Variants in AMOTL1 observed in about 807,000 individuals in gnomAD.
AMOTL1 encodes angiomotin-like protein 1.
AMOTL1 carries 45 observed loss-of-function variants against 102.9 expected under a neutral mutation model. The ratio of observed to expected loss-of-function variants is 0.44; its 90% confidence interval spans 0.34 to 0.56. AMOTL1 has a LOEUF of 0.56. Ranked by LOEUF, AMOTL1 falls within the 20% of genes least tolerant of loss-of-function variation. AMOTL1 has a pLI of 0.01. For missense variants in AMOTL1, 1,114 were observed against 1,225.6 expected (o/e 0.91, Z 1.36); for synonymous variants, 481 against 484.7 (o/e 0.99, Z 0.10).
intron 4 of AMOTL1, among the ~76,000 whole-genome samples, chr11:94,827,376 A>T (rs765896376): frequency 6.6e-6 from 1 of 152,172 alleles, no homozygotes; most frequent in African/African-American, 2.4e-5. Context: ...TGGTGACTTG[A>T]TGATGCCCTT....
intron 3 of AMOTL1, among the ~76,000 whole-genome samples, chr11:94,761,843 A>G (rs909830971): frequency 3.3e-5 from 5 of 152,218 alleles, no homozygotes; most frequent in African/African-American, 1.2e-4. Context: ...TCTGTAGTGC[A>G]TATTCTGGAG....
intron 3 of AMOTL1, among the ~76,000 whole-genome samples, chr11:94,747,070 G>A (rs1950597763): frequency 6.6e-6 from 1 of 151,860 alleles, no homozygotes; most frequent in African/African-American, 2.4e-5. Flanking sequence ...TATTCCTGGG[G>A]CTTATCCAGC....
intron 1 of AMOTL1, chr11:94,728,794 G>A (rs983085267): frequency 1.6e-5 from 6 of 384,526 alleles, no homozygotes; most frequent in Middle Eastern, 9.1e-4. Flanking sequence ...TCTAGACAAC[G>A]AGCTTTGTGT....
rs1166503167 is a variant in AMOTL1 at position 94,761,819 on chromosome 11, G to GT, written c.136+20832dup. Among the ~76,000 whole-genome samples the GT allele has an allele frequency of 5.3e-5, 8 of 152,320 alleles. 1 individual carries two copies. In the South Asian group the frequency reaches 1.7e-3, roughly 32 times the overall value. ...GTCTTTCCTTGGCTTTTAAAAAGGTGTAAGACCTGTTGGTCTGTAGTGCAT... is the reference window on the plus strand; with the variant it reads ...GTCTTTCCTTGGCTTTTAAAAAGGTGTTAAGACCTGTTGGTCTGTAGTGCAT... On this transcript the variant is annotated intron_variant, in intron 3 of 4. Coordinates refer to the AMOTL1 transcript ENST00000299004.
intron 6 of AMOTL1, among the ~76,000 whole-genome samples, chr11:94,849,596 A>G (rs1952488538): frequency 6.6e-6 from 1 of 152,188 alleles, no homozygotes; most frequent in Non-Finnish European, 1.5e-5. Context: ...GGGCCAGGTC[A>G]TATGGAAAGA....
intron 1 of AMOTL1, among the ~76,000 whole-genome samples, chr11:94,771,261 G>GGA (rs1555067547): frequency 7.2e-5 from 10 of 138,964 alleles, no homozygotes; most frequent in African/African-American, 1.7e-4. Flanking sequence ...GGCGGGGTTG[G>GGA]GGGGGGGGTG....
intron 2 of AMOTL1, among the ~76,000 whole-genome samples, chr11:94,735,992 G>A (rs1950434488): frequency 6.6e-6 from 1 of 152,160 alleles, no homozygotes; most frequent in African/African-American, 2.4e-5. Context: ...TAGTAACAGT[G>A]ACCATTAGAC....
chr11:94,804,789 A>G (rs1951540875), intron 3 of AMOTL1, among the ~76,000 whole-genome samples: 1 of 152,024 alleles, frequency 6.6e-6, no homozygotes, highest in Admixed American at 6.6e-5. Flanking sequence ...CTCATTGTCC[A>G]TTTTCTAGAA....
At chr11:94,710,990 C>G (rs12287860) in intron 1 of AMOTL1, among the ~76,000 whole-genome samples, 1 of 152,118 alleles carries the variant, frequency 6.6e-6, no homozygotes, top group Non-Finnish European at 1.5e-5. Context: ...ATGACTTCTA[C>G]GGGGATCCAA....
intron 3 of AMOTL1, among the ~76,000 whole-genome samples, chr11:94,761,991 G>A (rs576741214): frequency 2.0e-5 from 3 of 152,170 alleles, no homozygotes; most frequent in Non-Finnish European, 4.4e-5. Flanking sequence ...GGTTCTTTAG[G>A]GTGAACATTC....
At chr11:94,822,356 A>G (rs2033365) in intron 4 of AMOTL1, among the ~76,000 whole-genome samples, 37,906 of 152,102 alleles carry the variant, frequency 0.25, 5,335 homozygotes, top group East Asian at 0.46. Context: ...GAGCTTGGGA[A>G]GCATAGGTTA....
At chr11:94,867,727 A>G (rs1473476555) in intron 11 of AMOTL1, among the ~76,000 whole-genome samples, 4 of 152,110 alleles carry the variant, frequency 2.6e-5, no homozygotes, top group Non-Finnish European at 5.9e-5. Flanking sequence ...TACCTTCCCA[A>G]TTGCCCAGGG....
Position 94,870,774 on chromosome 11 carries a change from G to C in AMOTL1, c.2850G>C (p.Glu950Asp). The C allele has an allele frequency of 6.3e-7, 1 of 1,599,422 alleles. No homozygotes were observed. The highest frequency in any genetic ancestry group is 8.5e-7 in the Non-Finnish European group (1 of 1,171,696). ...ACAAGCCCGAGTTCCCTGATGGAGAGATGATGGAAGTCCTCATCTAACTGC... is the reference window on the plus strand; with the variant it reads ...ACAAGCCCGAGTTCCCTGATGGAGACATGATGGAAGTCCTCATCTAACTGC... ...LLHKPEFPDG[E>D]MMEVLI The change falls in exon 13 of 13, where the codon GAG becomes GAC. Residue 950 changes from glutamate to aspartate, a missense_variant. By Grantham distance (45) the Glu-to-Asp change is conservative. Coordinates refer to ENST00000433060, the MANE Select transcript of AMOTL1 (RefSeq NM_130847.3).
chr11:94,817,765 G>C (rs1214422783), intron 3 of AMOTL1, among the ~76,000 whole-genome samples: 1 of 152,172 alleles, frequency 6.6e-6, no homozygotes, highest in Non-Finnish European at 1.5e-5. Flanking sequence ...TGGAGACTGT[G>C]ACACTAGAAT....
At chr11:94,731,699 A>G (rs926033864) in intron 2 of AMOTL1, among the ~76,000 whole-genome samples, 3 of 152,180 alleles carry the variant, frequency 2.0e-5, no homozygotes, top group Non-Finnish European at 2.9e-5. Context: ...GAATGAAAAA[A>G]TTGGCCTGAA....
chr11:94,779,014 T>A (rs1252347032), intron 1 of AMOTL1, among the ~76,000 whole-genome samples: 3 of 151,884 alleles, frequency 2.0e-5, no homozygotes, highest in African/African-American at 7.2e-5. Context: ...TCCTCTATCT[T>A]CTCTTGGCCA....
At chr11:94,821,458 G>C in intron 3 of AMOTL1, 72 bp from the exon 4 acceptor site, 1 of 1,487,180 alleles carries the variant, frequency 6.7e-7, no homozygotes, top group Admixed American at 2.0e-5. Context: ...AACAGTGCCA[G>C]TATTGTTGGG....
intron 2 of AMOTL1, among the ~76,000 whole-genome samples, chr11:94,733,722 A>G (rs898684574): frequency 5.9e-5 from 9 of 152,250 alleles, no homozygotes; most frequent in Admixed American, 2.0e-4. Context: ...ATAGATTTCA[A>G]TTGCAGCAAA....
At position 94,870,022 on chromosome 11, in the gene AMOTL1, C is replaced by T. The variant is rs184232002; in HGVS notation, c.2764+549C>T. 3.3e-3 allele frequency among the ~76,000 whole-genome samples: 500 copies of T among 152,308 alleles called. 1 individual carries two copies. The highest frequency in any genetic ancestry group is 6.8e-3 in the Middle Eastern group (2 of 294). On this transcript the variant is annotated intron_variant, in intron 12 of 12. Transcript: ENST00000433060. ...GGGAGAGGTGATCTTTGCAGTGAGT[C>T]CCTAAGTGTCCTGGGTAAGAATAGA...
Sources: allele counts gnomAD v4.1 joint callset (sites outside exome capture counted in the v4.1 genomes callset), GRCh38; gene constraint gnomAD v4.1.1; transcripts MANE v1.5; gene names NCBI Gene and HGNC (gene_info 2026-07-23, HGNC 2026-07-21).